SRGAP1: variants seen among roughly 807,000 people sequenced by gnomAD.
The protein encoded by SRGAP1 is SLIT-ROBO Rho GTPase-activating protein 1.
SRGAP1 carries 43 observed loss-of-function variants against 121.9 expected under a neutral mutation model. The observed-to-expected ratio is 0.35, with a 90% CI of 0.28 to 0.46. The LOEUF (loss-of-function observed/expected upper bound fraction) is 0.46. Among genes scored for constraint, SRGAP1 ranks in the 20% least tolerant of loss-of-function variants. The probability of loss-of-function intolerance (pLI) is 1.00; values close to 1 mark genes in which losing one functional copy is unlikely to be tolerated. For missense variants in SRGAP1, 1,102 were observed against 1,350.9 expected (o/e 0.82, Z 2.89); for synonymous variants, 447 against 485.4 (o/e 0.92, Z 1.04).
chr12:64,008,730 G>A (rs3930087), intron 3 of SRGAP1, among the ~76,000 whole-genome samples: 72,439 of 151,880 alleles, frequency 0.48, 19,034 homozygotes, highest in African/African-American at 0.7. Flanking sequence ...GGGTTAATGC[G>A]TGACTGAGTA....
At chr12:64,005,773 G>A (rs2034060972) in intron 3 of SRGAP1, among the ~76,000 whole-genome samples, 2 of 152,234 alleles carry the variant, frequency 1.3e-5, no homozygotes, top group East Asian at 1.9e-4. Flanking sequence ...AAGAAGTCAT[G>A]ACAAATGCAT....
At chr12:64,068,626 C>G (rs866958287) in intron 8 of SRGAP1, among the ~76,000 whole-genome samples, 78 of 152,138 alleles carry the variant, frequency 5.1e-4, no homozygotes, top group Non-Finnish European at 1.6e-4. Flanking sequence ...TGAGCCACCA[C>G]TCCTGGCCTG....
chr12:64,148,999 A>G lies in SRGAP1; in HGVS notation c.*6327A>G, dbSNP rs1182594598. On this transcript the variant is annotated 3_prime_UTR_variant, in exon 22 of 22. Coordinates refer to ENST00000355086, the MANE Select transcript of SRGAP1 (RefSeq NM_020762.4). ...TGTCTGGCTCCTTTTGTTGAAATGT[A>G]TGTTTGTAAGAGTCGTCATTGTTAG... 2 of 152,198 alleles carry G rather than the reference A, an allele frequency of 1.3e-5. No individual in the cohort carries two copies. The highest frequency in any genetic ancestry group is 2.9e-5 in the Non-Finnish European group (2 of 68,036). The allele number at this position is 152,198 out of a possible 1,614,324, so 9.4% of individuals were successfully genotyped here.
At chr12:64,018,033 G>A (rs748413067) in intron 4 of SRGAP1, among the ~76,000 whole-genome samples, 8 of 151,982 alleles carry the variant, frequency 5.3e-5, no homozygotes, top group African/African-American at 9.7e-5. Flanking sequence ...AACAACAAAT[G>A]AGTAATATTA....
At chr12:63,873,253 G>A (rs954615836) in intron 1 of SRGAP1, among the ~76,000 whole-genome samples, 3 of 151,902 alleles carry the variant, frequency 2.0e-5, no homozygotes, top group Non-Finnish European at 2.9e-5. Flanking sequence ...AAAGTTGGCC[G>A]GGCGCGGTAG....
At chr12:63,888,929 C>G (rs1029508500) in intron 1 of SRGAP1, among the ~76,000 whole-genome samples, 10 of 152,182 alleles carry the variant, frequency 6.6e-5, no homozygotes, top group Middle Eastern at 3.2e-3. Flanking sequence ...AAGGTTGCAC[C>G]CGGCAGCCAG....
chr12:63,893,064 G>A (rs1900640461), intron 1 of SRGAP1, among the ~76,000 whole-genome samples: 2 of 152,254 alleles, frequency 1.3e-5, no homozygotes, highest in Non-Finnish European at 1.5e-5. Context: ...AATTCTGTGC[G>A]ACATATCTAA....
At chr12:64,017,844 T>C (rs1180926001) in intron 4 of SRGAP1, among the ~76,000 whole-genome samples, 2 of 152,158 alleles carry the variant, frequency 1.3e-5, no homozygotes, top group Non-Finnish European at 2.9e-5. Flanking sequence ...TTTAGGGTAC[T>C]TCATGTAATC....
chr12:64,003,023 T>TGAGAGAGA (rs141854046), intron 3 of SRGAP1, among the ~76,000 whole-genome samples: 24 of 106,868 alleles, frequency 2.2e-4, no homozygotes, highest in South Asian at 6.6e-4. Flanking sequence ...TGTATGTGAG[T>TGAGAGAGA]GAGAGAGAGA....
chr12:63,894,211 C>CTT lies in SRGAP1; in HGVS notation c.67+49337_67+49338dup, dbSNP rs202134463. 6.0e-5 allele frequency among the ~76,000 whole-genome samples: 9 copies of CTT among 149,674 alleles called. No homozygotes were observed. The South Asian group carries it at 1.9e-3, about 32-fold the overall frequency. On this transcript the variant is annotated intron_variant, in intron 1 of 21. Coordinates refer to ENST00000355086, the MANE Select transcript of SRGAP1 (RefSeq NM_020762.4). ...TCAAGGCACTCTGCTATTTTTCTTTCTTTTTTTTTTAAAGTACTGTACAGA... is the reference window on the plus strand; with the variant it reads ...TCAAGGCACTCTGCTATTTTTCTTTCTTTTTTTTTTTTAAAGTACTGTACAGA...
At chr12:64,082,106 G>C (rs12422348) in intron 10 of SRGAP1, among the ~76,000 whole-genome samples, 3 of 141,734 alleles carry the variant, frequency 2.1e-5, no homozygotes, top group Non-Finnish European at 4.5e-5. Context: ...CCTAAGTGTA[G>C]ATGAACGCTT....
intron 1 of SRGAP1, among the ~76,000 whole-genome samples, chr12:63,865,227 C>T (rs1043309403): frequency 2.6e-5 from 4 of 152,044 alleles, no homozygotes; most frequent in Non-Finnish European, 2.9e-5. Context: ...GAGGCTGAGG[C>T]GGGCAGATCA....
chr12:63,946,283 C>CTTT (rs1303246487), intron 1 of SRGAP1, among the ~76,000 whole-genome samples: 1 of 143,708 alleles, frequency 7.0e-6, no homozygotes, highest in African/African-American at 2.6e-5. Flanking sequence ...TGAATGGCTT[C>CTTT]TTTTTTTTTC....
chr12:63,933,671 ATCTT>A (rs1451361153), intron 1 of SRGAP1, among the ~76,000 whole-genome samples: 1 of 152,232 alleles, frequency 6.6e-6, no homozygotes, highest in Non-Finnish European at 1.5e-5. Context: ...TAAAAGAACT[ATCTT>A]TCTTTTCCAT....
At chr12:63,851,337 A>G (rs1447439818) in intron 1 of SRGAP1, among the ~76,000 whole-genome samples, 1 of 152,046 alleles carries the variant, frequency 6.6e-6, no homozygotes, top group Non-Finnish European at 1.5e-5. Context: ...TCACACCTGT[A>G]ATCTCAGCAC....
chr12:63,949,431 T>C (rs1471449008), intron 1 of SRGAP1, among the ~76,000 whole-genome samples: 1 of 135,196 alleles, frequency 7.4e-6, no homozygotes, highest in Non-Finnish European at 1.6e-5. Flanking sequence ...TTATTATTAT[T>C]ATTATTATTA....
At chr12:64,134,787 C>T (rs1241451568) in intron 21 of SRGAP1, among the ~76,000 whole-genome samples, 1 of 152,178 alleles carries the variant, frequency 6.6e-6, no homozygotes, top group African/African-American at 2.4e-5. Context: ...TTATCCCACA[C>T]CATTAATATC....
rs202227863 is a variant in SRGAP1 at position 63,969,481 on chromosome 12, CA to C, written c.68-14462del. ...TCTGATACCTGGAATGTACTGGCAG[CA>C]AAATGTACTGTTTAAAAATCTGAAA... is the stretch of plus-strand genomic sequence containing the variant. On this transcript the variant is annotated intron_variant, in intron 1 of 21. Transcript: ENST00000355086. Among the ~76,000 whole-genome samples the C allele has an allele frequency of 7.7e-3, 1,171 of 151,158 alleles. 14 individuals are homozygous for C. Among genetic ancestry groups the C allele is most frequent in the African/African-American group, 0.026 (1,095 of 41,470 alleles).
chr12:64,130,612 A>G (rs1204591548), intron 21 of SRGAP1, among the ~76,000 whole-genome samples: 1 of 152,168 alleles, frequency 6.6e-6, no homozygotes, highest in Non-Finnish European at 1.5e-5. Flanking sequence ...TTGTGACATC[A>G]CAAGACCAAT....
Sources: allele counts gnomAD v4.1 joint callset (sites outside exome capture counted in the v4.1 genomes callset), GRCh38; gene constraint gnomAD v4.1.1; transcripts MANE v1.5; gene names NCBI Gene and HGNC (gene_info 2026-07-23, HGNC 2026-07-21).